The following ZNF678 variants were observed in gnomAD, a reference collection of about 807,000 sequenced individuals.
ZNF678 encodes hypothetical protein MGC42493.
Under a neutral mutation model 3.0 loss-of-function variants are expected in ZNF678, and 5 were observed. The ratio of observed to expected loss-of-function variants is 1.69; its 90% CI spans 0.88 to 3.56. ZNF678 has a LOEUF of 3.56. ZNF678 is among the 30% of genes most tolerant of loss of function. ZNF678 has a pLI of 0.00. For synonymous variants in ZNF678, 218 were observed against 199.6 expected (o/e 1.09, Z -0.78); for missense variants, 593 against 605.0 (o/e 0.98, Z 0.21).
intron 1 of ZNF678, among the ~76,000 whole-genome samples, 187 bp downstream of exon 1, chr1:227,563,911 C>T (rs1202545430): frequency 6.6e-6 from 1 of 152,198 alleles, no homozygotes; most frequent in Non-Finnish European, 1.5e-5. Context: ...CCTCTCTGGG[C>T]GGCTATGAAG....
At chr1:227,636,610 T>G (rs1658686041) in intron 1 of ZNF678, among the ~76,000 whole-genome samples, 1 of 152,234 alleles carries the variant, frequency 6.6e-6, no homozygotes, top group African/African-American at 2.4e-5. Context: ...TATTTGTCCC[T>G]TTGCCATCTT....
chr1:227,634,472 C>T (rs1658625458), intron 1 of ZNF678, among the ~76,000 whole-genome samples: 1 of 152,146 alleles, frequency 6.6e-6, no homozygotes, highest in Non-Finnish European at 1.5e-5. Context: ...TGGACCTTCC[C>T]TTGGGAAAAG....
intron 1 of ZNF678, among the ~76,000 whole-genome samples, chr1:227,571,578 G>A (rs1656842122): frequency 1.3e-5 from 2 of 152,240 alleles, no homozygotes; most frequent in Non-Finnish European, 2.9e-5. Flanking sequence ...AAGTTCAACA[G>A]AGTTAATGAA....
At position 227,669,176 on chromosome 1, in the gene ZNF678, G is replaced by A. The variant is rs562702511; in HGVS notation, c.227-8003G>A. Among the ~76,000 whole-genome samples, 13 of 150,138 alleles carry A rather than the reference G, an allele frequency of 8.7e-5. No homozygotes were observed. The South Asian group carries it at 1.7e-3, about 19-fold the overall frequency. ...ATATTCACAAACTGCATCCAACAAA[G>A]GTCTAATACCCTGAATCTGTAAGAA... is the stretch of plus-strand genomic sequence containing the variant. On this transcript the variant is annotated intron_variant, in intron 5 of 5. Coordinates refer to the ZNF678 transcript ENST00000608949.
chr1:227,641,462 T>G (rs1658819153), intron 1 of ZNF678, among the ~76,000 whole-genome samples: 1 of 152,234 alleles, frequency 6.6e-6, no homozygotes, highest in South Asian at 2.1e-4. Context: ...TATGTCACAT[T>G]GTGGTTCAAT....
At chr1:227,665,686 G>T (rs536979965), downstream of ZNF678, among the ~76,000 whole-genome samples, 1 of 152,310 alleles carries the variant, frequency 6.6e-6, no homozygotes, top group South Asian at 2.1e-4. Flanking sequence ...AGACAATTAT[G>T]TCATGACTAA....
chr1:227,654,190 T>C (rs1659155206), intron 3 of ZNF678, 146 bp from the exon 4 acceptor site: 4 of 696,020 alleles, frequency 5.7e-6, no homozygotes, highest in Non-Finnish European at 6.4e-6. Context: ...TTGTTAAGTT[T>C]ATATGTTCAA....
chr1:227,582,350 G>A (rs971101992), intron 1 of ZNF678, among the ~76,000 whole-genome samples: 2 of 151,940 alleles, frequency 1.3e-5, no homozygotes, highest in Non-Finnish European at 2.9e-5. Flanking sequence ...GTTTTACTCT[G>A]TCACCCTTGG....
At chr1:227,589,855 C>A (rs1202057870) in intron 1 of ZNF678, among the ~76,000 whole-genome samples, 1 of 151,720 alleles carries the variant, frequency 6.6e-6, no homozygotes, top group Non-Finnish European at 1.5e-5. Context: ...GTTTTTACTT[C>A]TTCTTTCTTT....
At chr1:227,630,720 G>C (rs1416321296) in intron 1 of ZNF678, among the ~76,000 whole-genome samples, 1 of 152,094 alleles carries the variant, frequency 6.6e-6, no homozygotes, top group African/African-American at 2.4e-5. Context: ...GGCACACTTT[G>C]GTTCATTGTT....
At chr1:227,646,141 C>A (rs1279852065) in intron 1 of ZNF678, among the ~76,000 whole-genome samples, 1 of 152,226 alleles carries the variant, frequency 6.6e-6, no homozygotes, top group Non-Finnish European at 1.5e-5. Context: ...TCAGCCCAGA[C>A]CTTCTGAATC....
chr1:227,620,467 G>C (rs1448940260), intron 1 of ZNF678, among the ~76,000 whole-genome samples: 2 of 152,266 alleles, frequency 1.3e-5, no homozygotes, highest in African/African-American at 4.8e-5. Context: ...TAAGGGACTT[G>C]CGTTGTTTCA....
chr1:227,633,073 A>C (rs544467081), intron 1 of ZNF678, among the ~76,000 whole-genome samples: 1 of 152,262 alleles, frequency 6.6e-6, no homozygotes, highest in East Asian at 1.9e-4. Flanking sequence ...CCCAATCAGG[A>C]GTGGCAATGG....
intron 1 of ZNF678, among the ~76,000 whole-genome samples, chr1:227,571,770 C>T (rs946447779): frequency 5.3e-5 from 8 of 152,122 alleles, no homozygotes; most frequent in South Asian, 2.1e-4. Context: ...AAGCCGGGCG[C>T]GGTGGCTCAT....
chr1:227,589,970 C>T (rs1469340793), intron 1 of ZNF678, among the ~76,000 whole-genome samples: 1 of 151,768 alleles, frequency 6.6e-6, no homozygotes, highest in African/African-American at 2.4e-5. Flanking sequence ...TCACTTTTAT[C>T]TTTACCATCT....
chr1:227,591,491 A>G (rs1470423705), intron 1 of ZNF678, among the ~76,000 whole-genome samples: 1 of 152,204 alleles, frequency 6.6e-6, no homozygotes, highest in Non-Finnish European at 1.5e-5. Context: ...TAATTAAGAG[A>G]ACCACATCCT....
intron 1 of ZNF678, among the ~76,000 whole-genome samples, chr1:227,603,153 G>A (rs1043237124): frequency 6.6e-6 from 1 of 152,206 alleles, no homozygotes; most frequent in Non-Finnish European, 1.5e-5. Context: ...CTCAGGCTTT[G>A]TGAGGAGAAA....
Position 227,646,567 on chromosome 1 carries a change from G to A in ZNF678, c.-140G>A, listed in dbSNP as rs1207984534. On this transcript the variant is annotated 5_prime_UTR_variant, in exon 2 of 4. An upstream open reading frame in the 5' UTR gains an earlier in-frame stop. Coordinates refer to ENST00000343776, the MANE Select transcript of ZNF678 (RefSeq NM_001367909.1). Reference sequence around the variant, plus strand: ...AGGGACTACTGGCATTCAGTGATGTGGTCATAGAATTCTCTCCAGAGGAGT... The same window carrying A: ...AGGGACTACTGGCATTCAGTGATGTAGTCATAGAATTCTCTCCAGAGGAGT... 5 of 1,371,636 alleles carry A rather than the reference G, an allele frequency of 3.6e-6. No individual in the cohort carries two copies. The Admixed American group carries it at 9.5e-5, about 26-fold the overall frequency. The allele number at this position is 1,371,636 out of a possible 1,614,324, so 85.0% of individuals were successfully genotyped here.
In ZNF678 at chr1:227,658,882, T is replaced by G. The variant is rs1322538133; in HGVS notation, c.*3054T>G. ...TAAACATGAAATCAGTTAGAATAGG[T>G]AAAGCATTAATAATGGTAGGCTATA... On this transcript the variant is annotated 3_prime_UTR_variant, in exon 4 of 4. Coordinates refer to ENST00000343776, the MANE Select transcript of ZNF678 (RefSeq NM_001367909.1). The G allele has an allele frequency of 6.6e-6, 1 of 152,002 alleles. No homozygotes were observed. Among genetic ancestry groups the G allele is most frequent in the Non-Finnish European group, 1.5e-5 (1 of 67,952 alleles). The allele number at this position is 152,002 out of a possible 1,614,324, so 9.4% of individuals were successfully genotyped here. A position where few individuals can be genotyped will look rare whatever the true frequency, so the allele number is the denominator to read the frequency against.
Sources: allele counts gnomAD v4.1 joint callset (sites outside exome capture counted in the v4.1 genomes callset), GRCh38; gene constraint gnomAD v4.1.1; transcripts MANE v1.5; gene names NCBI Gene and HGNC (gene_info 2026-07-23, HGNC 2026-07-21).